The following IGF1R variants were observed in gnomAD, a reference collection of about 807,000 sequenced individuals.
The protein encoded by IGF1R is insulin like growth factor 1 receptor.
In IGF1R, 44 loss-of-function variants were observed where a neutral mutation model predicts 144.6. That is an observed-to-expected ratio of 0.30 (90% CI 0.24 to 0.39). IGF1R has a LOEUF of 0.39. IGF1R is among the 10% of genes least tolerant of loss of function. IGF1R has a pLI of 1.00. For missense variants in IGF1R, 1,355 were observed against 1,833.7 expected (o/e 0.74, Z 4.77); for synonymous variants, 795 against 722.8 (o/e 1.10, Z -1.60).
intron 2 of IGF1R, among the ~76,000 whole-genome samples, chr15:98,870,647 T>A (rs929378642): frequency 6.6e-6 from 1 of 152,192 alleles, no homozygotes; most frequent in Non-Finnish European, 1.5e-5. Flanking sequence ...GATTTAGTAC[T>A]GTCAGCGCTT....
At position 98,659,715 on chromosome 15, in the gene IGF1R, T is replaced by C. The variant is rs1213726793; in HGVS notation, c.94+10040T>C. On this transcript the variant is annotated intron_variant, in intron 1 of 20. Coordinates refer to ENST00000650285, the MANE Select transcript of IGF1R (RefSeq NM_000875.5). Reference sequence around the variant, plus strand: ...TACAGTTAGAGTTTTAAGATAATTTTACAGGACTTTAATAAATTTAAAGCT... The same window carrying C: ...TACAGTTAGAGTTTTAAGATAATTTCACAGGACTTTAATAAATTTAAAGCT... Among the ~76,000 whole-genome samples the C allele has an allele frequency of 3.9e-5, 6 of 152,322 alleles. 1 individual carries two copies. The East Asian group carries it at 1.2e-3, about 29-fold the overall frequency.
chr15:98,772,197 G>A (rs993422986), intron 2 of IGF1R, among the ~76,000 whole-genome samples: 4 of 152,124 alleles, frequency 2.6e-5, no homozygotes, highest in Non-Finnish European at 2.9e-5. Context: ...CATGAAACAG[G>A]TGTTTATAAG....
chr15:98,650,793 G>T (rs2052342633), intron 1 of IGF1R: 1 of 624,596 alleles, frequency 1.6e-6, no homozygotes, highest in Non-Finnish European at 2.0e-6. Flanking sequence ...CTGCCGCCCC[G>T]CACTTCCTTT....
chr15:98,745,344 C>T (rs941222700), intron 2 of IGF1R, among the ~76,000 whole-genome samples: 1 of 152,216 alleles, frequency 6.6e-6, no homozygotes, highest in Non-Finnish European at 1.5e-5. Flanking sequence ...CTAAGCACTT[C>T]CCCACTAGTG....
intron 1 of IGF1R, among the ~76,000 whole-genome samples, chr15:98,657,556 A>C (rs1287656249): frequency 1.3e-5 from 2 of 152,236 alleles, no homozygotes; most frequent in African/African-American, 4.8e-5. Flanking sequence ...AAAACAAATG[A>C]ACACAGAGAC....
intron 1 of IGF1R, among the ~76,000 whole-genome samples, chr15:98,702,623 T>A (rs2053763407): frequency 6.6e-6 from 1 of 152,220 alleles, no homozygotes; most frequent in South Asian, 2.1e-4. Flanking sequence ...CCACTGTGCC[T>A]GACTTTTAAG....
rs80255796 is a variant in IGF1R at position 98,674,623 on chromosome 15, G to A, written c.94+24948G>A. The stretch of plus-strand genomic sequence containing the variant: ...TTGATTAGGGACACATTTGCCTGCC[G>A]CCAGACACTACAAGTATTATGTGTA... On this transcript the variant is annotated intron_variant, in intron 1 of 20. Transcript: ENST00000650285. Among the ~76,000 whole-genome samples, 781 of 152,228 alleles carry A rather than the reference G, an allele frequency of 5.1e-3. 14 individuals are homozygous for A. The highest frequency in any genetic ancestry group is 0.018 in the African/African-American group (738 of 41,522).
intron 2 of IGF1R, among the ~76,000 whole-genome samples, chr15:98,830,044 G>A (rs1485731309): frequency 1.3e-5 from 2 of 152,208 alleles, no homozygotes; most frequent in Non-Finnish European, 2.9e-5. Context: ...GGATGGAGCA[G>A]CCTATCCACT....
At chr15:98,680,147 AC>A (rs1481273367) in intron 1 of IGF1R, among the ~76,000 whole-genome samples, 2 of 152,318 alleles carry the variant, frequency 1.3e-5, no homozygotes, top group South Asian at 2.1e-4. Flanking sequence ...TATAAAGTCT[AC>A]AGTAGTGTAC....
chr15:98,837,170 G>A (rs948301735), intron 2 of IGF1R, among the ~76,000 whole-genome samples: 10 of 152,116 alleles, frequency 6.6e-5, no homozygotes, highest in African/African-American at 2.4e-4. Context: ...CTGGGTTTGA[G>A]CAATCCTCCC....
At chr15:98,789,049 C>T (rs2056070687) in intron 2 of IGF1R, among the ~76,000 whole-genome samples, 1 of 152,140 alleles carries the variant, frequency 6.6e-6, no homozygotes, top group South Asian at 2.1e-4. Context: ...TACAAAAAAG[C>T]ACACGTAGGC....
At chr15:98,650,993 C>T (rs541163877) in intron 1 of IGF1R, 2 of 984,976 alleles carry the variant, frequency 2.0e-6, no homozygotes, top group African/African-American at 1.7e-5. Context: ...GTGTGGCTTA[C>T]TGGTACATTC....
intron 4 of IGF1R, among the ~76,000 whole-genome samples, chr15:98,897,825 C>G (rs1299059385): frequency 6.6e-6 from 1 of 152,048 alleles, no homozygotes; most frequent in Non-Finnish European, 1.5e-5. Context: ...ACTGGGACCA[C>G]TTGGTCAAGG....
intron 2 of IGF1R, among the ~76,000 whole-genome samples, chr15:98,779,758 C>G (rs377201909): frequency 1.3e-5 from 2 of 152,306 alleles, no homozygotes; most frequent in East Asian, 3.9e-4. Flanking sequence ...GAGGCTGGAG[C>G]AACTCTGGAA....
In IGF1R at chr15:98,891,145, A is replaced by AG. The variant is rs2013888354; in HGVS notation, c.641-179dup. On this transcript the variant is annotated intron_variant, in intron 2 of 20. Transcript: ENST00000650285. The surrounding 1 kb of genome is among the most constrained non-coding windows in gnomAD (Gnocchi z 4.7). ...AAGATATCGACTCTCTGCAGGTCTA[A>AG]GTGGATGAAAGGACAGTGGTGGGGG... is the stretch of plus-strand genomic sequence containing the variant. Among the ~76,000 whole-genome samples the AG allele has an allele frequency of 2.0e-5, 3 of 152,186 alleles. No individual in the cohort carries two copies.
At chr15:98,863,467 G>C (rs1277493603) in intron 2 of IGF1R, among the ~76,000 whole-genome samples, 1 of 152,134 alleles carries the variant, frequency 6.6e-6, no homozygotes, top group Non-Finnish European at 1.5e-5. Context: ...ATCCATTACT[G>C]TGATGTTTGC....
intron 2 of IGF1R, among the ~76,000 whole-genome samples, chr15:98,722,396 G>A (rs1023133283): frequency 1.3e-5 from 2 of 152,104 alleles, no homozygotes; most frequent in African/African-American, 4.8e-5. Context: ...ACTGTTTGCC[G>A]AACACTGTAT....
intron 2 of IGF1R, among the ~76,000 whole-genome samples, chr15:98,738,091 T>G (rs1052397599): frequency 2.0e-5 from 3 of 152,194 alleles, no homozygotes; most frequent in Admixed American, 1.3e-4. Context: ...GTATCTAGAT[T>G]AAAATCCTAT....
intron 2 of IGF1R, among the ~76,000 whole-genome samples, chr15:98,753,760 ATAT>A: frequency 6.6e-6 from 1 of 152,094 alleles, no homozygotes; most frequent in East Asian, 1.9e-4. Flanking sequence ...ACTTTTTATG[ATAT>A]TATTTGGATC....
Sources: gnomAD v4.1 joint callset for allele counts (sites outside exome capture counted in the v4.1 genomes callset) on GRCh38, gnomAD v4.1.1 for gene constraint, Gnocchi (gnomAD v3.1) non-coding constraint, MANE v1.5 for transcripts, NCBI Gene and HGNC (gene_info 2026-07-23, HGNC 2026-07-21) for gene names.